The following CEP120 variants were observed in gnomAD, a reference collection of about 807,000 sequenced individuals.
CEP120 encodes the protein centrosomal protein 120.
CEP120 carries 113 observed loss-of-function variants against 126.5 expected under a neutral mutation model. The observed-to-expected ratio is 0.89, with a 90% confidence interval of 0.77 to 1.04. CEP120 has a LOEUF of 1.04. Ranked by LOEUF, CEP120 falls within the 50% of genes least tolerant of loss-of-function variation. The probability of loss-of-function intolerance (pLI) is 0.00; values close to 1 mark genes in which losing one functional copy is unlikely to be tolerated. For synonymous variants in CEP120, 400 were observed against 394.3 expected, an observed-to-expected ratio of 1.01 and a Z score of -0.17; for missense variants, 1,230 against 1,155.7, an observed-to-expected ratio of 1.06 and a Z score of -0.93.
chr5:123,355,055 A>G (rs1445816553), intron 18 of CEP120, among the ~76,000 whole-genome samples: 1 of 150,668 alleles, frequency 6.6e-6, no homozygotes, highest in Non-Finnish European at 1.5e-5. Context: ...TTGTCCTTGC[A>G]ATAGTTTGCT....
At chr5:123,370,708 C>T (rs1397405585) in intron 17 of CEP120, among the ~76,000 whole-genome samples, 1 of 146,680 alleles carries the variant, frequency 6.8e-6, no homozygotes, top group Non-Finnish European at 1.5e-5. Flanking sequence ...CACATATATA[C>T]CTATATACAT....
At chr5:123,370,337 T>C (rs1770763892) in intron 17 of CEP120, among the ~76,000 whole-genome samples, 1 of 152,008 alleles carries the variant, frequency 6.6e-6, no homozygotes, top group Admixed American at 6.6e-5. Flanking sequence ...ATTTTGAAGC[T>C]ATTCCATAGT....
At chr5:123,357,587 G>A (rs1015623940) in intron 18 of CEP120, among the ~76,000 whole-genome samples, 6 of 152,128 alleles carry the variant, frequency 3.9e-5, no homozygotes, top group South Asian at 2.1e-4. Context: ...TGTAAGTGGC[G>A]TGGCAAAACC....
rs1245334987 is a variant in CEP120, at chr5:123,352,790, AT to A, written c.2581-2702del. ...CAAAACCAGTGTCTTTAAAATACTG[AT>A]TTTTCAATCAATGGAATGGTTTACC... On this transcript the variant is annotated intron_variant, in intron 18 of 19. Transcript: ENST00000306467. Among the ~76,000 whole-genome samples the A allele has an allele frequency of 2.0e-5, 3 of 152,034 alleles. No individual in the cohort carries two copies. The East Asian group carries it at 5.8e-4, about 29-fold the overall frequency.
chr5:123,347,486 T>G (rs1009079947), intron 19 of CEP120, among the ~76,000 whole-genome samples: 1 of 152,198 alleles, frequency 6.6e-6, no homozygotes, highest in African/African-American at 2.4e-5. Context: ...AAAGGGCATA[T>G]GCATGTTAAG....
At chr5:123,374,158 C>T (rs1464632540) in intron 16 of CEP120, among the ~76,000 whole-genome samples, 2 of 151,940 alleles carry the variant, frequency 1.3e-5, no homozygotes, top group Non-Finnish European at 2.9e-5. Context: ...AATACTATTA[C>T]AAGTTAATGT....
Position 123,422,811 on chromosome 5 carries a change from C to T in CEP120, c.49+139G>A. 3.6e-6 allele frequency: 3 copies of T among 834,398 alleles called. No individual in the cohort carries two copies. In the South Asian group the frequency reaches 4.5e-5, roughly 13 times the overall value. 51.7% of individuals were successfully genotyped at this position (834,398 alleles called of 1,614,324 possible). On this transcript the variant is annotated intron_variant, in intron 1 of 19. Transcript: ENST00000306467. ...ATCAATTGCCTAACAGACCTCACTA[C>T]GTACAACTTTGAACAAGTCTGTGGG...
Position 123,422,207 on chromosome 5 carries a change from C to T in CEP120, c.49+743G>A, listed in dbSNP as rs537829971. ...CTTCTCTTTGCCTGGAATGCCCTTC[C>T]TTTTTTCACCTGACAAATTCCTAAT... On this transcript the variant is annotated intron_variant, in intron 1 of 19. Transcript: ENST00000306467. 9.9e-5 allele frequency among the ~76,000 whole-genome samples: 15 copies of T among 152,262 alleles called. No homozygotes were observed. In the East Asian group the frequency reaches 2.7e-3, roughly 27 times the overall value.
intron 18 of CEP120, among the ~76,000 whole-genome samples, chr5:123,360,639 G>A (rs1380114221): frequency 2.1e-5 from 2 of 94,884 alleles, no homozygotes; most frequent in African/African-American, 3.5e-5. Context: ...AAATTACTTT[G>A]CAATGCTTTT....
chr5:123,411,162 C>T (rs1415712227), intron 4 of CEP120, among the ~76,000 whole-genome samples: 2 of 152,102 alleles, frequency 1.3e-5, no homozygotes, highest in Non-Finnish European at 2.9e-5. Flanking sequence ...TGGCCAAAAT[C>T]CAAAACACTA....
chr5:123,372,471 C>T (rs1770917086), intron 17 of CEP120, among the ~76,000 whole-genome samples, 179 bp downstream of exon 17: 1 of 152,114 alleles, frequency 6.6e-6, no homozygotes, highest in African/African-American at 2.4e-5. Flanking sequence ...TAAGCTACAA[C>T]TGACATAAGC....
intron 4 of CEP120, chr5:123,402,119 G>A (rs1773290801): frequency 1.9e-6 from 3 of 1,580,102 alleles, no homozygotes; most frequent in Non-Finnish European, 2.6e-6. Flanking sequence ...CCAGGACAAG[G>A]GGGCTCAGCA....
At chr5:123,387,755 C>T (rs1772121537) in intron 9 of CEP120, among the ~76,000 whole-genome samples, 1 of 151,972 alleles carries the variant, frequency 6.6e-6, no homozygotes, top group South Asian at 2.1e-4. Context: ...AAACTAAATA[C>T]ATTATTGTAT....
Position 123,418,371 on chromosome 5 carries a change from A to T in CEP120, c.194T>A (p.Leu65His). The change falls in exon 2 of 20, where the codon CTT (leucine) becomes CAT (histidine). Residue 65 changes from leucine to histidine, a missense_variant. Coordinates refer to ENST00000306467, the MANE Select transcript of CEP120 (RefSeq NM_001375405.1). Reference protein sequence around the residue: ...ELAWEIDRKALHQHRLQRTPI... With the variant: ...ELAWEIDRKAHHQHRLQRTPI... ...AAATGATAATCACCTGTGCTGATGA[A>T]GCGCTTTCCTGTCAATTTCCCAAGC... 3 of 1,601,870 alleles carry T rather than the reference A, an allele frequency of 1.9e-6. No individual in the cohort carries two copies. The highest frequency in any genetic ancestry group is 2.6e-6 in the Non-Finnish European group (3 of 1,172,952).
intron 18 of CEP120, chr5:123,358,160 T>C (rs984554426): frequency 1.3e-5 from 2 of 152,006 alleles, no homozygotes; most frequent in African/African-American, 4.8e-5. Context: ...TAAGCAATGT[T>C]GTTTGCAAAA....
At chr5:123,356,222 C>T (rs1209079756) in intron 18 of CEP120, among the ~76,000 whole-genome samples, 1 of 152,072 alleles carries the variant, frequency 6.6e-6, no homozygotes, top group Non-Finnish European at 1.5e-5. Flanking sequence ...CATGATGCCT[C>T]CAGCTTTGTT....
chr5:123,393,615 C>A, intron 5 of CEP120, 118 bp from the exon 6 acceptor site: 1 of 779,594 alleles, frequency 1.3e-6, no homozygotes, highest in South Asian at 2.0e-5. Context: ...ATGTCTTAAC[C>A]GCTCAAATAA....
At position 123,383,053 on chromosome 5, in the gene CEP120, T is replaced by A; in HGVS notation, c.1793A>T (p.Tyr598Phe). ...GSNNRIADLS[Y>F]TVTLEDYGLV... is the part of the protein sequence containing the mutation. ...TCCATAATCTTCTAGAGTCACTGTG[T>A]AAGAAAGATCTGCTATCCTGTTATT... Residue 598 changes from tyrosine to phenylalanine, a missense_variant, in exon 12 of 20, where the codon TAC becomes TTC. Coordinates refer to ENST00000306467, the MANE Select transcript of CEP120 (RefSeq NM_001375405.1). 2 of 1,555,652 alleles carry A rather than the reference T, an allele frequency of 1.3e-6. No homozygotes were observed. The highest frequency in any genetic ancestry group is 1.1e-5 in the South Asian group (1 of 88,170).
At chr5:123,409,585 GAAGA>G (rs1350472473) in intron 4 of CEP120, among the ~76,000 whole-genome samples, 1 of 152,202 alleles carries the variant, frequency 6.6e-6, no homozygotes, top group African/African-American at 2.4e-5. Flanking sequence ...GATGAGGAAA[GAAGA>G]AATATAATTG....
Sources: allele counts gnomAD v4.1 joint callset (sites outside exome capture counted in the v4.1 genomes callset), GRCh38; gene constraint gnomAD v4.1.1; transcripts MANE v1.5; gene names NCBI Gene and HGNC (gene_info 2026-07-23, HGNC 2026-07-21).